HOOK3: variants seen among roughly 807,000 people sequenced by gnomAD.
HOOK3 encodes the protein protein Hook homolog 3.
A neutral mutation model predicts 116.3 loss-of-function variants in HOOK3; 24 were observed. The ratio of observed to expected loss-of-function variants is 0.21; its 90% CI spans 0.15 to 0.29. The LOEUF (loss-of-function observed/expected upper bound fraction) is 0.29, where lower values mean the gene tolerates loss of function less well. HOOK3 is among the 10% of genes least tolerant of loss of function. The probability of loss-of-function intolerance (pLI) is 1.00; values close to 1 mark genes in which losing one functional copy is unlikely to be tolerated. For missense variants in HOOK3, 632 were observed against 830.2 expected, an observed-to-expected ratio of 0.76 and a Z score of 2.93; for synonymous variants, 275 against 283.0, an observed-to-expected ratio of 0.97 and a Z score of 0.28.
At position 43,010,164 on chromosome 8, in the gene HOOK3, GTCTC is replaced by G. The variant is rs1383287286; in HGVS notation, c.1739-138_1739-135del. ...TAAAATTATGTGTAAAAATAGACCA[GTCTC>G]TCAAAGCTGTTAACTATTTGTTATT... On this transcript the variant is annotated intron_variant, in intron 18 of 21. Transcript: ENST00000307602. The G allele has an allele frequency of 5.5e-5, 10 of 180,474 alleles. No homozygotes were observed. In the South Asian group the frequency reaches 2.0e-3, roughly 36 times the overall value. 11.2% of individuals were successfully genotyped at this position (180,474 alleles called of 1,614,324 possible). A position where few individuals can be genotyped will look rare whatever the true frequency, so the allele number is the denominator to read the frequency against.
Position 42,943,368 on chromosome 8 carries a change from A to G in HOOK3, c.323A>G (p.Glu108Gly). 1 of 1,568,500 alleles carries G rather than the reference A, an allele frequency of 6.4e-7. No homozygotes were observed. The highest frequency in any genetic ancestry group is 1.8e-5 in the Admixed American group (1 of 55,478). ...FTLPDVNLIGEHSDAAELGRM... is the reference protein window; with the variant it reads ...FTLPDVNLIGGHSDAAELGRM... ...CTTCCTGATGTGAACCTTATTGGGG[A>G]GCATTCTGATGCAGCAGAGCTTGGA... is the stretch of plus-strand genomic sequence containing the variant. Residue 108 changes from glutamate (E) to glycine (G), a missense_variant, in exon 5 of 22, where the codon GAG becomes GGG. By Grantham distance (98) the Glu-to-Gly change is moderately conservative. Coordinates refer to ENST00000307602, the MANE Select transcript of HOOK3 (RefSeq NM_032410.4).
intron 13 of HOOK3, among the ~76,000 whole-genome samples, chr8:42,979,687 G>T (rs549878177): frequency 6.6e-6 from 1 of 152,082 alleles, no homozygotes; most frequent in East Asian, 1.9e-4. Context: ...TTACCCAGCT[G>T]CACAGAAACC....
intron 3 of HOOK3, 50 bp downstream of exon 3, chr8:42,925,679 A>G: frequency 8.0e-7 from 1 of 1,246,424 alleles, no homozygotes; most frequent in Non-Finnish European, 1.1e-6. Context: ...TATGTGTATA[A>G]TATCTGTTGA....
chr8:43,017,582 A>C (rs559260217), intron 21 of HOOK3, among the ~76,000 whole-genome samples: 1 of 152,292 alleles, frequency 6.6e-6, no homozygotes, highest in African/African-American at 2.4e-5. Context: ...TTCTCTGGCT[A>C]GGATTCTTCA....
chr8:42,935,429 A>G (rs1484876856), intron 4 of HOOK3, among the ~76,000 whole-genome samples: 1 of 151,898 alleles, frequency 6.6e-6, no homozygotes, highest in Non-Finnish European at 1.5e-5. Context: ...CTTTTGTTGC[A>G]GTTGCTTTTG....
At chr8:42,992,808 C>A (rs1475106631) in intron 15 of HOOK3, among the ~76,000 whole-genome samples, 1 of 147,574 alleles carries the variant, frequency 6.8e-6, no homozygotes, top group East Asian at 2.0e-4. Flanking sequence ...TTATTTCTTT[C>A]TCTTGTCTGA....
chr8:42,995,333 A>G (rs947163002), intron 15 of HOOK3, among the ~76,000 whole-genome samples: 2 of 152,218 alleles, frequency 1.3e-5, no homozygotes, highest in African/African-American at 4.8e-5. Flanking sequence ...ATAACTGGTC[A>G]TCTCTTAAAT....
chr8:43,024,579 T>G lies in HOOK3; in HGVS notation c.*6081T>G. On this transcript the variant is annotated 3_prime_UTR_variant, in exon 22 of 22. Transcript: ENST00000307602. ...TATTCTTGATAACTATAATAATGAT[T>G]TGAATGTTTTATATCATGAAGTTTT... 5.4e-6 allele frequency: 1 copy of G among 186,176 alleles called. No individual in the cohort carries two copies. The highest frequency in any genetic ancestry group is 1.1e-5 in the Non-Finnish European group (1 of 88,018). 11.5% of individuals were successfully genotyped at this position (186,176 alleles called of 1,614,324 possible). A position where few individuals can be genotyped will look rare whatever the true frequency, so the allele number is the denominator to read the frequency against.
At chr8:42,897,357 G>T in intron 1 of HOOK3, 169 bp downstream of exon 1, 1 of 411,078 alleles carries the variant, frequency 2.4e-6, no homozygotes, top group Non-Finnish European at 4.1e-6. Context: ...GAGACTTGCC[G>T]GGCCTGAGGC....
chr8:42,970,031 T>G (rs1211715062), intron 11 of HOOK3, among the ~76,000 whole-genome samples: 1 of 152,238 alleles, frequency 6.6e-6, no homozygotes, highest in African/African-American at 2.4e-5. Flanking sequence ...TCTAATCTTC[T>G]CTATTTTCTT....
At chr8:42,912,128 G>C (rs1277501547) in intron 2 of HOOK3, among the ~76,000 whole-genome samples, 3 of 152,170 alleles carry the variant, frequency 2.0e-5, no homozygotes, top group Non-Finnish European at 4.4e-5. Flanking sequence ...AGGAAAGCCA[G>C]GTGAGTGTGG....
intron 4 of HOOK3, among the ~76,000 whole-genome samples, chr8:42,933,854 C>T (rs964678095): frequency 6.6e-6 from 1 of 152,152 alleles, no homozygotes; most frequent in Non-Finnish European, 1.5e-5. Context: ...GACTCCCACT[C>T]CCTGTTGGTA....
At chr8:42,983,238 G>T (rs548942968) in intron 14 of HOOK3, among the ~76,000 whole-genome samples, 127 of 151,960 alleles carry the variant, frequency 8.4e-4, no homozygotes, top group African/African-American at 2.9e-3. Context: ...GGAGGCTGAG[G>T]CGGGAGAATG....
chr8:42,931,507 C>T (rs1162442174), intron 4 of HOOK3, among the ~76,000 whole-genome samples: 1 of 147,782 alleles, frequency 6.8e-6, no homozygotes, highest in African/African-American at 2.5e-5. Flanking sequence ...TCTCAGCTCA[C>T]TGCAAGCTCT....
At chr8:43,002,358 G>T (rs1809396756) in intron 17 of HOOK3, among the ~76,000 whole-genome samples, 1 of 152,118 alleles carries the variant, frequency 6.6e-6, no homozygotes, top group African/African-American at 2.4e-5. Context: ...GAGACTTCAG[G>T]GTTTTCTGTC....
At chr8:42,944,755 G>T (rs1283079018) in intron 5 of HOOK3, among the ~76,000 whole-genome samples, 1 of 152,102 alleles carries the variant, frequency 6.6e-6, no homozygotes, top group East Asian at 1.9e-4. Context: ...GGAGGCGGAG[G>T]TTGCATTGAG....
chr8:42,964,035 A>G (rs993743808), intron 8 of HOOK3, among the ~76,000 whole-genome samples: 1 of 152,140 alleles, frequency 6.6e-6, no homozygotes, highest in African/African-American at 2.4e-5. Context: ...GTGAAACCAC[A>G]TCTCTACTAA....
chr8:42,952,464 G>T (rs1031747499), intron 6 of HOOK3, among the ~76,000 whole-genome samples: 1 of 152,176 alleles, frequency 6.6e-6, no homozygotes, highest in African/African-American at 2.4e-5. Flanking sequence ...CATTACATGG[G>T]TATGTTTGAT....
chr8:42,974,455 T>TC (rs1808783091), intron 13 of HOOK3, among the ~76,000 whole-genome samples: 1 of 152,152 alleles, frequency 6.6e-6, no homozygotes, highest in South Asian at 2.1e-4. Context: ...GCCAGGCTGG[T>TC]CTGGAACTCC....
Sources: allele counts gnomAD v4.1 joint callset (sites outside exome capture counted in the v4.1 genomes callset), GRCh38; gene constraint gnomAD v4.1.1; transcripts MANE v1.5; gene names NCBI Gene and HGNC (gene_info 2026-07-23, HGNC 2026-07-21).